KLF8: variants seen among roughly 807,000 people sequenced by gnomAD.
The protein encoded by KLF8 is Krueppel-like factor 8.
A neutral mutation model predicts 18.2 loss-of-function variants in KLF8; 10 were observed. That is an observed-to-expected ratio of 0.55 (90% CI 0.34 to 0.93). The LOEUF is 0.93. Ranked by LOEUF, KLF8 falls within the 40% of genes least tolerant of loss-of-function variation. The probability of loss-of-function intolerance (pLI) is 0.02; values close to 1 mark genes in which losing one functional copy is unlikely to be tolerated. For synonymous variants in KLF8, 109 were observed against 97.3 expected (o/e 1.12, Z -0.71); for missense variants, 264 against 277.9 (o/e 0.95, Z 0.36).
At chrX:56,191,830 G>A in the KLF8 span, among the ~76,000 whole-genome samples, 4 of 110,607 alleles carry the variant, frequency 3.6e-5, no homozygotes, top group East Asian at 2.8e-4. Flanking sequence ...ATATACCTCC[G>A]ACTAATAAAA....
At chrX:56,227,150 C>T in the KLF8 span, among the ~76,000 whole-genome samples, 1 of 111,528 alleles carries the variant, frequency 9.0e-6, no homozygotes, top group African/African-American at 3.3e-5. Context: ...AAGATGGATA[C>T]CACCCCTCTG....
the KLF8 span, among the ~76,000 whole-genome samples, chrX:56,173,937 A>G: frequency 8.9e-6 from 1 of 112,022 alleles, no homozygotes; most frequent in Non-Finnish European, 1.9e-5. Context: ...ATTTTTGCAC[A>G]TTGATTTTGT....
At chrX:56,151,060 G>A in the KLF8 span, among the ~76,000 whole-genome samples, 1 of 111,272 alleles carries the variant, frequency 9.0e-6, no homozygotes, top group East Asian at 2.8e-4. Flanking sequence ...TATGGAGCAG[G>A]AGGGAGTATG....
chrX:56,186,486 G>A, the KLF8 span, among the ~76,000 whole-genome samples: 3 of 111,047 alleles, frequency 2.7e-5, no homozygotes, highest in Admixed American at 9.6e-5. Flanking sequence ...AAGTTAACAA[G>A]TATACCCAGG....
At position 56,286,918 on chromosome X, in the gene KLF8, C is replaced by T. The variant is rs192848001; in HGVS notation, c.*2424C>T. The T allele has an allele frequency of 3.7e-4, 41 of 111,736 alleles. No individual in the cohort carries two copies. The highest frequency in any genetic ancestry group is 1.2e-3 in the African/African-American group (37 of 30,821). The allele number at this position is 111,736 out of a possible 1,213,427, so 9.2% of individuals were successfully genotyped here. A position where few individuals can be genotyped will look rare whatever the true frequency, so the allele number is the denominator to read the frequency against. ...AAAGATGAACTAACATAAGTTTAAG[C>T]TAATAATTCAGTAGTTGATGCAGTA... On this transcript the variant is annotated 3_prime_UTR_variant, in exon 6 of 6. Coordinates refer to ENST00000468660, the MANE Select transcript of KLF8 (RefSeq NM_007250.5).
At chrX:56,154,357 G>A in the KLF8 span, among the ~76,000 whole-genome samples, 1 of 111,957 alleles carries the variant, frequency 8.9e-6, no homozygotes, top group Non-Finnish European at 1.9e-5. Context: ...ATGGGGAAAT[G>A]ATTCCCTATT....
At chrX:56,056,253 T>G in the KLF8 span, among the ~76,000 whole-genome samples, 2 of 110,782 alleles carry the variant, frequency 1.8e-5, no homozygotes, top group Non-Finnish European at 3.8e-5. Context: ...TTTTTTCTTG[T>G]ATTTTATTTA....
chrX:56,123,679 C>G, the KLF8 span, among the ~76,000 whole-genome samples: 2 of 112,190 alleles, frequency 1.8e-5, no homozygotes, highest in African/African-American at 3.2e-5. Context: ...GACCCCTTCT[C>G]AGACATTTCT....
the KLF8 span, among the ~76,000 whole-genome samples, chrX:56,105,499 C>G: frequency 9.1e-6 from 1 of 109,314 alleles, no homozygotes; most frequent in East Asian, 2.9e-4. Context: ...TTGGATGAAA[C>G]TGTGGTTTAT....
intron 1 of KLF8, among the ~76,000 whole-genome samples, chrX:56,240,573 T>C (rs2066530555): frequency 8.9e-6 from 1 of 112,021 alleles, no homozygotes; most frequent in South Asian, 3.7e-4. Flanking sequence ...CCTAGAGGTT[T>C]TGTTTTATAA....
chrX:55,949,336 TG>T, the KLF8 span, among the ~76,000 whole-genome samples: 1 of 9,627 alleles, frequency 1.0e-4, no homozygotes, highest in East Asian at 2.6e-3. Context: ...TCATATGCTG[TG>T]TGTGTGTGTG....
At chrX:56,044,365 T>A in the KLF8 span, among the ~76,000 whole-genome samples, 1 of 112,208 alleles carries the variant, frequency 8.9e-6, no homozygotes, top group Non-Finnish European at 1.9e-5. Flanking sequence ...TTACTTTTTG[T>A]CCAGACTGCC....
At chrX:56,184,261 C>A in the KLF8 span, among the ~76,000 whole-genome samples, 1 of 112,189 alleles carries the variant, frequency 8.9e-6, no homozygotes, top group Non-Finnish European at 1.9e-5. Context: ...CACTGAGTCT[C>A]ACTGATTGCT....
At chrX:56,113,199 GAAA>G in the KLF8 span, among the ~76,000 whole-genome samples, 1 of 70,983 alleles carries the variant, frequency 1.4e-5, no homozygotes, top group Non-Finnish European at 2.8e-5. Flanking sequence ...CTCCATCTCA[GAAA>G]AAAAAAAAAA....
chrX:55,997,661 C>G, the KLF8 span, among the ~76,000 whole-genome samples: 1 of 111,229 alleles, frequency 9.0e-6, no homozygotes, highest in African/African-American at 3.3e-5. Context: ...TTGGTCTTAT[C>G]TTTTGATGAG....
chrX:55,962,325 G>T, the KLF8 span: 1 of 185,895 alleles, frequency 5.4e-6, no homozygotes, highest in South Asian at 9.6e-5. Flanking sequence ...GACAAAATTG[G>T]CATGTTTTGT....
At chrX:55,990,395 G>A in the KLF8 span, among the ~76,000 whole-genome samples, 13 of 112,204 alleles carry the variant, frequency 1.2e-4, no homozygotes, top group African/African-American at 3.9e-4. Flanking sequence ...ATTCTGGTAT[G>A]TTGTGTCTTT....
the KLF8 span, among the ~76,000 whole-genome samples, chrX:56,049,845 C>T: frequency 9.2e-6 from 1 of 108,288 alleles, no homozygotes; most frequent in African/African-American, 3.4e-5. Flanking sequence ...AGGAATGGTA[C>T]CAGTTCCTCC....
At chrX:56,221,246 G>C in the KLF8 span, among the ~76,000 whole-genome samples, 1 of 111,941 alleles carries the variant, frequency 8.9e-6, no homozygotes, top group Non-Finnish European at 1.9e-5. Flanking sequence ...GGTCACCTTG[G>C]AAAAGTGCCT....
Sources: allele counts gnomAD v4.1 joint callset (sites outside exome capture counted in the v4.1 genomes callset), GRCh38; gene constraint gnomAD v4.1.1; transcripts MANE v1.5; gene names NCBI Gene and HGNC (gene_info 2026-07-23, HGNC 2026-07-21).